ACAN: variants seen among roughly 807,000 people sequenced by gnomAD.
ACAN encodes the protein aggrecan core protein.
Under a neutral mutation model 169.1 loss-of-function variants are expected in ACAN, and 47 were observed. The ratio of observed to expected loss-of-function variants is 0.28; its 90% CI spans 0.22 to 0.35. The LOEUF (loss-of-function observed/expected upper bound fraction) is 0.35, where lower values mean the gene tolerates loss of function less well. Ranked by LOEUF, ACAN falls within the 10% of genes least tolerant of loss-of-function variation. The pLI is 1.00. For synonymous variants in ACAN, 1,115 were observed against 1,112.2 expected (o/e 1.00, Z -0.05); for missense variants, 2,716 against 2,759.9 (o/e 0.98, Z 0.36).
rs759735948 is a variant in ACAN at position 88,838,091 on chromosome 15, C to T, written c.71-572C>T. Reference sequence around the variant, plus strand: ...TGCACACCAAAAGGTCTGATCTTCTCGGATGCTTCTCCACCTGAGTCCCCT... The same window carrying T: ...TGCACACCAAAAGGTCTGATCTTCTTGGATGCTTCTCCACCTGAGTCCCCT... On this transcript the variant is annotated intron_variant, in intron 2 of 18. Transcript: ENST00000560601. The surrounding 1 kb of genome is among the most constrained non-coding windows in gnomAD (Gnocchi z 5.1). Among the ~76,000 whole-genome samples, 62 of 151,976 alleles carry T rather than the reference C, an allele frequency of 4.1e-4. No homozygotes were observed. Among genetic ancestry groups the T allele is most frequent in the South Asian group, 6.2e-4 (3 of 4,806 alleles).
chr15:88,845,988 G>T, intron 7 of ACAN, 106 bp downstream of exon 7: 3 of 1,229,936 alleles, frequency 2.4e-6, no homozygotes, highest in Non-Finnish European at 3.2e-6. Context: ...AACCTGGCAC[G>T]TGGGACAATG....
chr15:88,831,676 G>T (rs895763180), intron 1 of ACAN, among the ~76,000 whole-genome samples: 2 of 152,166 alleles, frequency 1.3e-5, no homozygotes, highest in African/African-American at 4.8e-5. Context: ...TTCTGGTTTG[G>T]GCTCCACTTC....
In ACAN at chr15:88,872,944, G is replaced by A. The variant is rs779794758; in HGVS notation, c.7366G>A (p.Val2456Met). The change falls in exon 17 of 19, where the codon GTG becomes ATG. Residue 2456 changes from valine to methionine, a missense_variant. Val to Met is a conservative substitution (Grantham distance 21). This residue lies in a region of ACAN where 1,389 missense variants were observed against 1,363.7 expected (regional missense o/e 1.02). Coordinates refer to ENST00000560601, the MANE Select transcript of ACAN (RefSeq NM_001369268.1). This position sits in a 1 kb window ranked among gnomAD's most constrained non-coding sequence, Gnocchi z 5.4. Reference protein sequence around the residue: ...NFFAAGEDCVVMIWHEKGEWN... With the variant: ...NFFAAGEDCVMMIWHEKGEWN... ...TTTTGCCGCTGGAGAGGACTGTGTG[G>A]TGATGATCTGGCACGAGAAGGGCGA... 28 of 1,613,916 alleles carry A rather than the reference G, an allele frequency of 1.7e-5. No individual in the cohort carries two copies. Among genetic ancestry groups the A allele is most frequent in the Non-Finnish European group, 2.3e-5 (27 of 1,179,922 alleles).
rs1895721975 is a variant in ACAN at position 88,807,778 on chromosome 15, G to GTGTT, written c.-8+3972_-8+3973insTTGT. On this transcript the variant is annotated intron_variant, in intron 1 of 18. Coordinates refer to ENST00000560601, the MANE Select transcript of ACAN (RefSeq NM_001369268.1). The surrounding 1 kb of genome is among the most constrained non-coding windows in gnomAD (Gnocchi z 4.0). ...TGTGTGTGTGTGTGTGTGTGTGTGTGTGTGTGTGCATGCTGGCAGGGCGGG... is the reference window on the plus strand; with the variant it reads ...TGTGTGTGTGTGTGTGTGTGTGTGTGTGTTTGTGTGTGCATGCTGGCAGGGCGGG... 6.6e-6 allele frequency among the ~76,000 whole-genome samples: 1 copy of GTGTT among 151,918 alleles called. No homozygotes were observed. Among genetic ancestry groups the GTGTT allele is most frequent in the Admixed American group, 6.6e-5 (1 of 15,256 alleles).
intron 13 of ACAN, among the ~76,000 whole-genome samples, chr15:88,864,997 A>T (rs1212208658): frequency 6.6e-6 from 1 of 152,192 alleles, no homozygotes; most frequent in African/African-American, 2.4e-5. Context: ...ACCTAGGCAA[A>T]AGCTGGACAA....
intron 1 of ACAN, among the ~76,000 whole-genome samples, chr15:88,835,414 C>A (rs143466716): frequency 6.6e-6 from 1 of 152,096 alleles, no homozygotes; most frequent in South Asian, 2.1e-4. Flanking sequence ...CATACACACA[C>A]ACACACACGA....
chr15:88,845,671 G>T lies in ACAN; in HGVS notation c.1218G>T (p.Glu406Asp), dbSNP rs576493396. ...TCCTTACCGTAAAGCCCATCTTCGAGGTCTCCCCCAGTCCCCTGGAACCCG... is the reference window on the plus strand; with the variant it reads ...TCCTTACCGTAAAGCCCATCTTCGATGTCTCCCCCAGTCCCCTGGAACCCG... Reference protein sequence around the residue: ...SVILTVKPIFEVSPSPLEPEE... With the variant: ...SVILTVKPIFDVSPSPLEPEE... Residue 406 changes from glutamate to aspartate, a missense_variant, in exon 7 of 19, where the codon GAG becomes GAT. This residue lies in a region of ACAN where 1,283 missense variants were observed against 1,281.5 expected (regional missense o/e 1.00). Transcript: ENST00000560601. 3.1e-6 allele frequency: 5 copies of T among 1,614,032 alleles called. No individual in the cohort carries two copies. Among genetic ancestry groups the T allele is most frequent in the Admixed American group, 3.3e-5 (2 of 60,034 alleles).
At chr15:88,852,186 A>T (rs1210836486) in intron 11 of ACAN, among the ~76,000 whole-genome samples, 153 bp downstream of exon 11, 5 of 152,176 alleles carry the variant, frequency 3.3e-5, no homozygotes, top group Non-Finnish European at 5.9e-5. Context: ...GGGCAACTTC[A>T]GCCACCTCAG....
chr15:88,856,854 C>T lies in ACAN; in HGVS notation c.4269C>T (p.Ala1423=), dbSNP rs1336400959. The T allele has an allele frequency of 6.4e-6, 10 of 1,569,344 alleles. No individual in the cohort carries two copies. Among genetic ancestry groups the T allele is most frequent in the South Asian group, 1.1e-5 (1 of 88,014 alleles). ...CTGGAGAAGTTCTAGAGACTACTGC[C>T]CCTGGAGTAGATGAGATCAGTGGGC... ...LPSGEVLETT[A]PGVDEISGLP... is the part of the protein sequence containing the mutation. The change falls in exon 12 of 19, where the codon GCC becomes GCT. Residue 1423 remains alanine, a synonymous_variant. Coordinates refer to ENST00000560601, the MANE Select transcript of ACAN (RefSeq NM_001369268.1).
chr15:88,868,210 T>C lies in ACAN; in HGVS notation c.6947-6T>C. The C allele has an allele frequency of 1.4e-6, 1 of 702,218 alleles. No homozygotes were observed. The highest frequency in any genetic ancestry group is 1.5e-5 in the South Asian group (1 of 67,466). The allele number at this position is 702,218 out of a possible 1,614,324, so 43.5% of individuals were successfully genotyped here. On this transcript the variant is annotated splice_polypyrimidine_tract_variant and splice_region_variant and intron_variant, in intron 13 of 18. Transcript: ENST00000560601. The surrounding 1 kb of genome is among the most constrained non-coding windows in gnomAD (Gnocchi z 5.2). ...AGTCCTAATGGTGGCCCTTGGTTTCTTGCAGACATTGATGAGTGCCTCTCA... is the reference window on the plus strand; with the variant it reads ...AGTCCTAATGGTGGCCCTTGGTTTCCTGCAGACATTGATGAGTGCCTCTCA...
intron 6 of ACAN, among the ~76,000 whole-genome samples, chr15:88,844,337 G>A (rs993777092): frequency 7.7e-6 from 1 of 129,340 alleles, no homozygotes; most frequent in Non-Finnish European, 1.6e-5. Flanking sequence ...GTCTTGTCAT[G>A]TTGCCCAGGC....
At chr15:88,816,970 G>A (rs1423362424) in intron 1 of ACAN, among the ~76,000 whole-genome samples, 5 of 152,056 alleles carry the variant, frequency 3.3e-5, no homozygotes, top group Admixed American at 3.3e-4. Context: ...AACACACCAG[G>A]AGCCTACTCC....
At position 88,843,391 on chromosome 15, in the gene ACAN, C is replaced by T; in HGVS notation, c.794C>T (p.Thr265Ile). The T allele has an allele frequency of 1.9e-6, 3 of 1,597,786 alleles. No individual in the cohort carries two copies. Among genetic ancestry groups the T allele is most frequent in the South Asian group, 1.1e-5 (1 of 89,994 alleles). ...VFYATSPEKF[T>I]FQEAANECRR... ...TATGCAACATCTCCAGAGAAGTTCA[C>T]CTTCCAGGAAGCAGCCAATGAGTGC... The change falls in exon 6 of 19, where the codon ACC (threonine) becomes ATC (isoleucine). Residue 265 changes from threonine to isoleucine, a missense_variant. Coordinates refer to ENST00000560601, the MANE Select transcript of ACAN (RefSeq NM_001369268.1). The surrounding 1 kb of genome is among the most constrained non-coding windows in gnomAD (Gnocchi z 4.0).
At chr15:88,862,997 C>CAAAAAAA (rs57598410) in intron 13 of ACAN, among the ~76,000 whole-genome samples, 8 of 73,776 alleles carry the variant, frequency 1.1e-4, no homozygotes, top group Non-Finnish European at 1.7e-4. Context: ...CACTCGGTCT[C>CAAAAAAA]AAAAAAAAAA....
Position 88,872,972 on chromosome 15 carries a change from G to A in ACAN, c.7394G>A (p.Trp2465Ter). ...VVMIWHEKGE[W>*]NDVPCNYHLP... ...ATGATCTGGCACGAGAAGGGCGAGT[G>A]GAATGATGTTCCCTGCAATTACCAC... Residue 2465 changes from tryptophan (W) to a stop codon, truncating the protein, a stop_gained, in exon 17 of 19, where the codon TGG becomes TAG. Transcript: ENST00000560601. LOFTEE classifies it high-confidence loss of function. The surrounding 1 kb of genome is among the most constrained non-coding windows in gnomAD (Gnocchi z 5.4). The A allele has an allele frequency of 1.9e-6, 3 of 1,613,834 alleles. No homozygotes were observed. Among genetic ancestry groups the A allele is most frequent in the Non-Finnish European group, 2.5e-6 (3 of 1,179,882 alleles).
rs756359756 is a variant in ACAN, at chr15:88,845,824, C to G, written c.1371C>G (p.Thr457=). The G allele has an allele frequency of 2.0e-6, 3 of 1,522,580 alleles. No homozygotes were observed. The highest frequency in any genetic ancestry group is 2.6e-6 in the Non-Finnish European group (3 of 1,133,872). 94.3% of individuals were successfully genotyped at this position (1,522,580 alleles called of 1,614,324 possible). The change falls in exon 7 of 19, where the codon ACC becomes ACG. Residue 457 remains threonine, a synonymous_variant. Transcript: ENST00000560601. The part of the protein sequence containing the change: ...TPGLGPATAF[T]SEDLVVQVTA... ...GCCTGGGCCCTGCCACGGCATTCAC[C>G]AGTGAGGACCTCGTCGTGCAGGTGA...
intron 1 of ACAN, among the ~76,000 whole-genome samples, chr15:88,826,476 CT>C (rs34930389): frequency 0.75 from 113,091 of 149,858 alleles, 43,536 homozygotes; most frequent in African/African-American, 0.9. Flanking sequence ...CAGGGGACCC[CT>C]GGAGACACAG....
At position 88,855,442 on chromosome 15, in the gene ACAN, G is replaced by T. The variant is rs1387483383; in HGVS notation, c.2857G>T (p.Asp953Tyr). 1 of 1,613,888 alleles carries T rather than the reference G, an allele frequency of 6.2e-7. No homozygotes were observed. The highest frequency in any genetic ancestry group is 1.7e-5 in the Admixed American group (1 of 60,024). ...AGAGGGCTCTGCCTCTGGAGTTGGGGATCTCAGTGGACTTCCTTCTGGAGA... is the reference window on the plus strand; with the variant it reads ...AGAGGGCTCTGCCTCTGGAGTTGGGTATCTCAGTGGACTTCCTTCTGGAGA... ...ILEGSASGVG[D>Y]LSGLPSGEVL... The change falls in exon 12 of 19, where the codon GAT becomes TAT. Residue 953 changes from aspartate (D) to tyrosine (Y), a missense_variant. Around this residue, in one of 3 missense-constraint regions of ACAN, gnomAD observed 1,283 missense variants for 1,281.5 expected, o/e 1.00. Transcript: ENST00000560601.
chr15:88,827,037 G>A (rs528024765), intron 1 of ACAN, among the ~76,000 whole-genome samples: 39 of 152,124 alleles, frequency 2.6e-4, no homozygotes, highest in Non-Finnish European at 4.7e-4. Flanking sequence ...GATAAGAAAC[G>A]GCACATGTAC....
Sources: gnomAD v4.1 joint callset for allele counts (sites outside exome capture counted in the v4.1 genomes callset) on GRCh38, gnomAD v4.1.1 for gene constraint, gnomAD v4.1.1 regional missense constraint, Gnocchi (gnomAD v3.1) non-coding constraint, MANE v1.5 for transcripts, NCBI Gene and HGNC (gene_info 2026-07-23, HGNC 2026-07-21) for gene names.